The following TSHZ2 variants were observed in gnomAD, a reference collection of about 807,000 sequenced individuals.
TSHZ2 encodes the protein teashirt zinc finger homeobox 2.
TSHZ2 carries 21 observed loss-of-function variants against 74.4 expected under a neutral mutation model. That is an observed-to-expected ratio of 0.28 (90% confidence interval 0.20 to 0.41). The LOEUF is 0.41. TSHZ2 is among the 10% of genes least tolerant of loss of function. The probability of loss-of-function intolerance (pLI) is 1.00; values close to 1 mark genes in which losing one functional copy is unlikely to be tolerated. For missense variants in TSHZ2, 1,244 were observed against 1,293.5 expected, an observed-to-expected ratio of 0.96 and a Z score of 0.59; for synonymous variants, 540 against 515.3, an observed-to-expected ratio of 1.05 and a Z score of -0.65.
chr20:53,173,383 C>T (rs1000829624), intron 1 of TSHZ2, among the ~76,000 whole-genome samples: 4 of 152,024 alleles, frequency 2.6e-5, no homozygotes, highest in African/African-American at 7.3e-5. Flanking sequence ...CAGAGGCAGG[C>T]GGATCACTAG....
At chr20:53,261,520 TC>T (rs1990600716) in intron 2 of TSHZ2, among the ~76,000 whole-genome samples, 1 of 152,198 alleles carries the variant, frequency 6.6e-6, no homozygotes, top group Admixed American at 6.5e-5. Flanking sequence ...AGTACAATAA[TC>T]TAGCATCTCT....
chr20:53,440,930 C>T (rs1984288271), intron 2 of TSHZ2, among the ~76,000 whole-genome samples: 1 of 152,186 alleles, frequency 6.6e-6, no homozygotes, highest in Non-Finnish European at 1.5e-5. Flanking sequence ...TTCTAGGTGA[C>T]TCACATGGTC....
At chr20:53,134,102 C>T (rs1224439877) in intron 1 of TSHZ2, among the ~76,000 whole-genome samples, 1 of 152,086 alleles carries the variant, frequency 6.6e-6, no homozygotes, top group Admixed American at 6.6e-5. Flanking sequence ...GTTAAAGGCA[C>T]TCTACTTGCC....
At chr20:53,419,838 A>G (rs1656875828) in intron 2 of TSHZ2, among the ~76,000 whole-genome samples, 1 of 152,216 alleles carries the variant, frequency 6.6e-6, no homozygotes, top group Non-Finnish European at 1.5e-5. Flanking sequence ...GTTAAGGGAC[A>G]CTGATGTCAC....
At chr20:53,296,736 T>G (rs1205148650) in intron 2 of TSHZ2, among the ~76,000 whole-genome samples, 1 of 152,236 alleles carries the variant, frequency 6.6e-6, no homozygotes, top group Non-Finnish European at 1.5e-5. Flanking sequence ...AATACATCTC[T>G]TATCTTTTCC....
chr20:53,259,514 AT>A (rs1284274290), intron 2 of TSHZ2, among the ~76,000 whole-genome samples: 2 of 152,242 alleles, frequency 1.3e-5, no homozygotes, highest in African/African-American at 2.4e-5. Flanking sequence ...CAGAGAGCAA[AT>A]CAATGAGTCT....
chr20:53,331,493 C>T (rs1979720404), intron 2 of TSHZ2, among the ~76,000 whole-genome samples: 1 of 152,060 alleles, frequency 6.6e-6, no homozygotes, highest in Non-Finnish European at 1.5e-5. Context: ...CAACCATGCA[C>T]GACCTCTGAG....
At chr20:53,382,340 C>T (rs1981890124) in intron 2 of TSHZ2, among the ~76,000 whole-genome samples, 1 of 152,174 alleles carries the variant, frequency 6.6e-6, no homozygotes, top group Non-Finnish European at 1.5e-5. Context: ...TTTGGCCATG[C>T]CCTTGGCCTT....
At position 53,254,677 on chromosome 20, in the gene TSHZ2, A is replaced by C. The variant is rs915108110; in HGVS notation, c.1219A>C (p.Lys407Gln). Residue 407 changes from lysine to glutamine, a missense_variant, in exon 2 of 3, where the codon AAG becomes CAG. Physicochemically the swap from Lys to Gln is moderately conservative, Grantham distance 53 (BLOSUM62 1). Transcript: ENST00000371497. ...CATGATGGTCACAGGTCACTTTCTC[A>C]AGGTCACCAGCTCTGCCTCCAAGAA... ...THMMVTGHFL[K>Q]VTSSASKKGK... is the part of the protein sequence containing the mutation. The C allele has an allele frequency of 2.5e-6, 4 of 1,614,162 alleles. No individual in the cohort carries two copies. The highest frequency in any genetic ancestry group is 3.3e-5 in the Admixed American group (2 of 60,030).
chr20:53,217,200 C>T (rs1306364646), intron 1 of TSHZ2, among the ~76,000 whole-genome samples: 1 of 152,116 alleles, frequency 6.6e-6, no homozygotes, highest in African/African-American at 2.4e-5. Context: ...GTGCGAGAGC[C>T]GCACCTGCCG....
chr20:53,427,511 A>G (rs1983697492), intron 2 of TSHZ2, among the ~76,000 whole-genome samples: 1 of 152,158 alleles, frequency 6.6e-6, no homozygotes. Context: ...GCAGGCAGGT[A>G]TACCTAGAAA....
At chr20:53,191,671 T>C (rs1568804259) in intron 1 of TSHZ2, among the ~76,000 whole-genome samples, 2 of 152,260 alleles carry the variant, frequency 1.3e-5, no homozygotes, top group East Asian at 3.9e-4. Context: ...TCAAAAAAAA[T>C]TGAGTTAAAC....
intron 1 of TSHZ2, among the ~76,000 whole-genome samples, chr20:53,011,580 T>C (rs1276932130): frequency 1.3e-5 from 2 of 152,196 alleles, no homozygotes; most frequent in African/African-American, 4.8e-5. Context: ...ATTTCTGAGA[T>C]GATTTTTTTT....
At chr20:53,469,786 G>A (rs142633010) in intron 2 of TSHZ2, among the ~76,000 whole-genome samples, 1,699 of 86,576 alleles carry the variant, frequency 0.02, 81 homozygotes, top group South Asian at 0.038. Flanking sequence ...GGGAGGGAGG[G>A]AGGAAGGAAG....
In TSHZ2 at chr20:53,257,197, T is replaced by G. The variant is rs531703619; in HGVS notation, c.*8+626T>G. On this transcript the variant is annotated intron_variant, in intron 2 of 2. Transcript: ENST00000371497. ...GTGTCCTATGAATGAGCATGTGCCCTTAACAGGTTGGTAGAAAAATATTCT... is the reference window on the plus strand; with the variant it reads ...GTGTCCTATGAATGAGCATGTGCCCGTAACAGGTTGGTAGAAAAATATTCT... 3.3e-5 allele frequency among the ~76,000 whole-genome samples: 5 copies of G among 152,366 alleles called. No homozygotes were observed. In the South Asian group the frequency reaches 1.0e-3, roughly 32 times the overall value.
chr20:52,996,307 TTTTATTTATTTA>T (rs56169663), intron 1 of TSHZ2, among the ~76,000 whole-genome samples: 2,452 of 145,320 alleles, frequency 0.017, 30 homozygotes, highest in African/African-American at 0.035. Flanking sequence ...CCTTTCAGGT[TTTTATTTATTTA>T]TTTATTTATT....
chr20:53,205,625 C>T (rs1989149681), intron 1 of TSHZ2, among the ~76,000 whole-genome samples: 1 of 152,154 alleles, frequency 6.6e-6, no homozygotes, highest in Non-Finnish European at 1.5e-5. Context: ...TTTTCCTAGA[C>T]ATGAGATCCG....
At chr20:53,479,266 C>CTAT (rs1779359408) in intron 2 of TSHZ2, among the ~76,000 whole-genome samples, 1 of 151,882 alleles carries the variant, frequency 6.6e-6, no homozygotes, top group African/African-American at 2.4e-5. Flanking sequence ...CCCAAACATT[C>CTAT]TATTAAAATG....
intron 1 of TSHZ2, among the ~76,000 whole-genome samples, chr20:53,208,409 C>T (rs1256871447): frequency 6.6e-6 from 1 of 152,136 alleles, no homozygotes; most frequent in African/African-American, 2.4e-5. Flanking sequence ...GCTCTTGTTT[C>T]TCATTTAATC....
Sources: gnomAD v4.1 joint callset for allele counts (sites outside exome capture counted in the v4.1 genomes callset) on GRCh38, gnomAD v4.1.1 for gene constraint, MANE v1.5 for transcripts, NCBI Gene and HGNC (gene_info 2026-07-23, HGNC 2026-07-21) for gene names.